SKI: variants seen among roughly 807,000 people sequenced by gnomAD.
The protein encoded by SKI is ski oncogene.
Under a neutral mutation model 59.3 loss-of-function variants are expected in SKI, and 23 were observed. The ratio of observed to expected loss-of-function variants is 0.39; its 90% CI spans 0.28 to 0.55. The LOEUF is 0.55. Ranked by LOEUF, SKI falls within the 20% of genes least tolerant of loss-of-function variation. SKI has a pLI of 0.67. For synonymous variants in SKI, 673 were observed against 488.6 expected (o/e 1.38, Z -4.98); for missense variants, 1,017 against 1,038.9 (o/e 0.98, Z 0.29).
chr1:2,270,183 C>T lies in SKI; in HGVS notation c.970-32795C>T, dbSNP rs1639586280. 6.6e-6 allele frequency among the ~76,000 whole-genome samples: 1 copy of T among 152,172 alleles called. No individual in the cohort carries two copies. Among genetic ancestry groups the T allele is most frequent in the South Asian group, 2.1e-4 (1 of 4,834 alleles). ...CCAGCACCTTGCTGCAAGAGAGGGA[C>T]AGAGGTCATCTGTCTACGAGCTAGA... On this transcript the variant is annotated intron_variant, in intron 1 of 6. Transcript: ENST00000378536. This position sits in a 1 kb window ranked among gnomAD's most constrained non-coding sequence, Gnocchi z 4.1.
At chr1:2,275,350 C>T (rs1639717995) in intron 1 of SKI, among the ~76,000 whole-genome samples, 1 of 152,180 alleles carries the variant, frequency 6.6e-6, no homozygotes, top group Non-Finnish European at 1.5e-5. Context: ...TGTGGCTCCG[C>T]CGTCAGGGAG....
chr1:2,262,960 C>T (rs987884769), intron 1 of SKI, among the ~76,000 whole-genome samples: 44 of 152,028 alleles, frequency 2.9e-4, no homozygotes, highest in Middle Eastern at 3.4e-3. Context: ...AGTGCAATGG[C>T]GCTATCTCGG....
At chr1:2,289,674 C>A (rs1640121125) in intron 1 of SKI, among the ~76,000 whole-genome samples, 1 of 151,362 alleles carries the variant, frequency 6.6e-6, no homozygotes, top group South Asian at 2.1e-4. Flanking sequence ...TAGCGGCTCT[C>A]CCCTCCCCCG....
chr1:2,233,489 C>T (rs1009627128), intron 1 of SKI, among the ~76,000 whole-genome samples: 1 of 152,016 alleles, frequency 6.6e-6, no homozygotes, highest in African/African-American at 2.4e-5. Context: ...GGTCCCCTTG[C>T]CCTTGCGCTG....
intron 5 of SKI, 100 bp from the exon 6 acceptor site, chr1:2,305,920 A>T (rs1292857558): frequency 3.2e-6 from 3 of 934,184 alleles, no homozygotes; most frequent in Admixed American, 4.0e-5. Context: ...GCACATTGTC[A>T]GATAGATGAC....
intron 1 of SKI, among the ~76,000 whole-genome samples, chr1:2,273,316 G>A (rs7553178): frequency 0.75 from 113,072 of 151,678 alleles, 42,499 homozygotes; most frequent in East Asian, 0.86. Context: ...CCTCCTTCCC[G>A]CCAGTGCCGG....
chr1:2,285,870 GT>G (rs77227502), intron 1 of SKI, among the ~76,000 whole-genome samples: 29,448 of 102,492 alleles, frequency 0.29, 1,922 homozygotes, highest in African/African-American at 0.37. Context: ...CAGCCAGAAG[GT>G]TTTTTTTTTT....
Position 2,304,362 on chromosome 1 carries a change from C to G in SKI, c.1544C>G (p.Ser515Cys), listed in dbSNP as rs978302328. 2 of 1,551,724 alleles carry G rather than the reference C, an allele frequency of 1.3e-6. No homozygotes were observed. Among genetic ancestry groups the G allele is most frequent in the East Asian group, 2.4e-5 (1 of 40,930 alleles). Reference sequence around the variant, plus strand: ...TCCAGCTCCGCCAAGGACCTGGGCTCCCCGGGTGCGCGTGCCCTGCCCTCG... The same window carrying G: ...TCCAGCTCCGCCAAGGACCTGGGCTGCCCGGGTGCGCGTGCCCTGCCCTCG... The part of the protein sequence containing the change: ...TSSSSAKDLG[S>C]PGARALPSAV... Residue 515 changes from serine (S) to cysteine (C), a missense_variant, in exon 5 of 7, where the codon TCC (serine) becomes TGC (cysteine). By Grantham distance (112) the Ser-to-Cys change is moderately radical (BLOSUM62 -1). Coordinates refer to ENST00000378536, the MANE Select transcript of SKI (RefSeq NM_003036.4).
intron 1 of SKI, among the ~76,000 whole-genome samples, chr1:2,278,076 G>A (rs1375494831): frequency 6.6e-6 from 1 of 152,194 alleles, no homozygotes; most frequent in East Asian, 1.9e-4. Flanking sequence ...CTTCGCCCTC[G>A]GGTGAGCAAG....
chr1:2,251,537 C>T (rs772950274), intron 1 of SKI, among the ~76,000 whole-genome samples: 1 of 152,210 alleles, frequency 6.6e-6, no homozygotes, highest in Non-Finnish European at 1.5e-5. Context: ...GTCCTGGTCC[C>T]CAGGTCGTGT....
chr1:2,279,049 G>T (rs1459482932), intron 1 of SKI, among the ~76,000 whole-genome samples: 1 of 152,152 alleles, frequency 6.6e-6, no homozygotes, highest in Non-Finnish European at 1.5e-5. Flanking sequence ...CCAGCTGCTC[G>T]GGGGCTTGGT....
At chr1:2,240,361 G>A (rs1263886775) in intron 1 of SKI, 1 of 420,126 alleles carries the variant, frequency 2.4e-6, no homozygotes. Flanking sequence ...CCTCCTAGCA[G>A]CCTCAAGAAA....
chr1:2,283,550 C>A (rs1312605370), intron 1 of SKI, among the ~76,000 whole-genome samples: 1 of 152,250 alleles, frequency 6.6e-6, no homozygotes, highest in Non-Finnish European at 1.5e-5. Context: ...TGGCCGCTTC[C>A]CCTGCTCAGA....
Position 2,270,062 on chromosome 1 carries a change from C to T in SKI, c.970-32916C>T, listed in dbSNP as rs376405379. On this transcript the variant is annotated intron_variant, in intron 1 of 6. Transcript: ENST00000378536. The surrounding 1 kb of genome is among the most constrained non-coding windows in gnomAD (Gnocchi z 4.1). ...TTGGTGGTGCCTGCCATCAGGCTGC[C>T]GATGGATGAGCCTGCCTGTCCCCCA... Among the ~76,000 whole-genome samples the T allele has an allele frequency of 1.5e-4, 23 of 152,168 alleles. No individual in the cohort carries two copies. Among genetic ancestry groups the T allele is most frequent in the African/African-American group, 3.9e-4 (16 of 41,514 alleles).
intron 1 of SKI, among the ~76,000 whole-genome samples, chr1:2,231,103 C>T (rs1161274216): frequency 6.6e-6 from 1 of 152,156 alleles, no homozygotes; most frequent in Non-Finnish European, 1.5e-5. Context: ...CAGGCTGGGG[C>T]CCTTCGTGTC....
intron 1 of SKI, among the ~76,000 whole-genome samples, chr1:2,236,869 C>T (rs1458252468): frequency 1.3e-5 from 2 of 152,206 alleles, no homozygotes; most frequent in Non-Finnish European, 2.9e-5. Flanking sequence ...CCTGGACCAA[C>T]TGCGGCTTCT....
In SKI at chr1:2,306,827, G is replaced by GT; in HGVS notation, c.*63dup. On this transcript the variant is annotated 3_prime_UTR_variant, in exon 7 of 7. Transcript: ENST00000378536. Reference sequence around the variant, plus strand: ...GGGTGCAGGGGGGCGCGGCTGGGCGGTGCAGCTCCGCCCGGCTCCGCCCCT... The same window carrying GT: ...GGGTGCAGGGGGGCGCGGCTGGGCGGTTGCAGCTCCGCCCGGCTCCGCCCCT... 1 of 1,217,166 alleles carries GT rather than the reference G, an allele frequency of 8.2e-7. No individual in the cohort carries two copies. The highest frequency in any genetic ancestry group is 3.8e-5 in the East Asian group (1 of 26,314). The allele number at this position is 1,217,166 out of a possible 1,614,324, so 75.4% of individuals were successfully genotyped here. A position where few individuals can be genotyped will look rare whatever the true frequency, so the allele number is the denominator to read the frequency against.
At chr1:2,294,941 A>C (rs899410730) in intron 1 of SKI, among the ~76,000 whole-genome samples, 1 of 152,066 alleles carries the variant, frequency 6.6e-6, no homozygotes, top group African/African-American at 2.4e-5. Flanking sequence ...AGGAGACTTG[A>C]CCTCAGGGTG....
At chr1:2,277,573 T>C (rs1005743699) in intron 1 of SKI, among the ~76,000 whole-genome samples, 16 of 152,222 alleles carry the variant, frequency 1.1e-4, no homozygotes, top group Admixed American at 1.3e-4. Flanking sequence ...GTAAGTCCAA[T>C]TAAACCTCTT....
Sources: gnomAD v4.1 joint callset for allele counts (sites outside exome capture counted in the v4.1 genomes callset) on GRCh38, gnomAD v4.1.1 for gene constraint, Gnocchi (gnomAD v3.1) non-coding constraint, MANE v1.5 for transcripts, NCBI Gene and HGNC (gene_info 2026-07-23, HGNC 2026-07-21) for gene names.